The following TMTC1 variants were observed in gnomAD, a reference collection of about 807,000 sequenced individuals.
TMTC1 encodes the protein protein O-mannosyl-transferase TMTC1.
Under a neutral mutation model 104.8 loss-of-function variants are expected in TMTC1, and 73 were observed. The ratio of observed to expected loss-of-function variants is 0.70; its 90% confidence interval spans 0.58 to 0.85. The LOEUF (loss-of-function observed/expected upper bound fraction) is 0.85, where lower values mean the gene tolerates loss of function less well. TMTC1 is among the 40% of genes least tolerant of loss of function. The probability of loss-of-function intolerance (pLI) is 0.00; values close to 1 mark genes in which losing one functional copy is unlikely to be tolerated. For missense variants in TMTC1, 1,035 were observed against 1,096.1 expected (o/e 0.94, Z 0.79); for synonymous variants, 434 against 428.7 (o/e 1.01, Z -0.15).
intron 5 of TMTC1, among the ~76,000 whole-genome samples, chr12:29,679,882 CATG>C (rs1940855271): frequency 6.6e-6 from 1 of 151,950 alleles, no homozygotes; most frequent in Non-Finnish European, 1.5e-5. Context: ...AAGAAAAAAA[CATG>C]AAACAAATGA....
At chr12:29,744,530 A>G (rs1942903577) in intron 5 of TMTC1, among the ~76,000 whole-genome samples, 1 of 152,236 alleles carries the variant, frequency 6.6e-6, no homozygotes, top group Non-Finnish European at 1.5e-5. Flanking sequence ...TGTTGAAATG[A>G]TCCACTTTAG....
intron 2 of TMTC1, among the ~76,000 whole-genome samples, chr12:29,766,738 G>A (rs891570567): frequency 7.2e-5 from 11 of 152,052 alleles, no homozygotes; most frequent in African/African-American, 2.7e-4. Flanking sequence ...CAGCTTCAGG[G>A]AAGCGTCCAA....
intron 7 of TMTC1, among the ~76,000 whole-genome samples, chr12:29,603,044 C>G (rs1470628572): frequency 6.6e-6 from 1 of 152,180 alleles, no homozygotes; most frequent in African/African-American, 2.4e-5. Context: ...CTTCACAAGA[C>G]TCTTACCTTA....
chr12:29,731,128 A>G (rs1692943605), intron 5 of TMTC1, among the ~76,000 whole-genome samples: 2 of 152,356 alleles, frequency 1.3e-5, no homozygotes, highest in South Asian at 4.1e-4. Flanking sequence ...TTAATTCAGC[A>G]AATAAATGGG....
rs546285370 is a variant in TMTC1 at position 29,554,612 on chromosome 12, T to C, written c.1676+2245A>G. Among the ~76,000 whole-genome samples, 329 of 152,330 alleles carry C rather than the reference T, an allele frequency of 2.2e-3. 1 individual carries two copies. The highest frequency in any genetic ancestry group is 5.9e-3 in the African/African-American group (244 of 41,584). ...GGCCAGACACAGTGTCTCATGCCTA[T>C]AATCCCGGTACTTTGGGAGGCTGAG... On this transcript the variant is annotated intron_variant, in intron 10 of 17. Coordinates refer to ENST00000539277, the MANE Select transcript of TMTC1 (RefSeq NM_001193451.2).
intron 5 of TMTC1, among the ~76,000 whole-genome samples, chr12:29,667,382 A>G (rs1245103095): frequency 1.3e-5 from 2 of 152,224 alleles, no homozygotes. Flanking sequence ...TTCTAAGGCT[A>G]TGATAAATTT....
chr12:29,541,234 G>A (rs925398143), intron 10 of TMTC1, among the ~76,000 whole-genome samples: 1 of 152,070 alleles, frequency 6.6e-6, no homozygotes, highest in African/African-American at 2.4e-5. Context: ...CACAGGCACC[G>A]CATCCACGTT....
intron 9 of TMTC1, among the ~76,000 whole-genome samples, chr12:29,566,884 G>T (rs1018446697): frequency 2.0e-5 from 3 of 152,178 alleles, no homozygotes; most frequent in African/African-American, 7.2e-5. Flanking sequence ...CACAGCTGGT[G>T]TAAAGTTCCC....
At chr12:29,643,578 TGTC>T (rs1938995474) in intron 5 of TMTC1, among the ~76,000 whole-genome samples, 1 of 83,478 alleles carries the variant, frequency 1.2e-5, no homozygotes, top group Non-Finnish European at 2.1e-5. Context: ...ATATAATATA[TGTC>T]ATATATAAAT....
At chr12:29,635,306 C>T (rs749118823) in intron 5 of TMTC1, among the ~76,000 whole-genome samples, 1 of 152,136 alleles carries the variant, frequency 6.6e-6, no homozygotes, top group Non-Finnish European at 1.5e-5. Context: ...TTTTCACAGA[C>T]CTTTCAGGCT....
intron 7 of TMTC1, among the ~76,000 whole-genome samples, chr12:29,596,938 C>T (rs944350914): frequency 1.3e-5 from 2 of 152,180 alleles, no homozygotes; most frequent in African/African-American, 2.4e-5. Flanking sequence ...CACCACTCAC[C>T]CTCTGGGACA....
At chr12:29,762,985 A>C (rs1387092112) in intron 2 of TMTC1, among the ~76,000 whole-genome samples, 1 of 152,244 alleles carries the variant, frequency 6.6e-6, no homozygotes, top group Non-Finnish European at 1.5e-5. Context: ...TCTTGAGATA[A>C]GCCTAAGCAT....
chr12:29,653,670 A>C (rs1177389939), intron 5 of TMTC1, among the ~76,000 whole-genome samples: 1 of 152,246 alleles, frequency 6.6e-6, no homozygotes, highest in Admixed American at 6.5e-5. Flanking sequence ...GTCAGTCACA[A>C]AGAACTGACT....
rs1026933266 is a variant in TMTC1, at chr12:29,502,327, TCAAAG to T, written c.*4514_*4518del. 5 of 141,176 alleles carry T rather than the reference TCAAAG, an allele frequency of 3.5e-5. No individual in the cohort carries two copies. Among genetic ancestry groups the T allele is most frequent in the African/African-American group, 5.5e-5 (2 of 36,314 alleles). The allele number at this position is 141,176 out of a possible 1,614,324, so 8.7% of individuals were successfully genotyped here. A position where few individuals can be genotyped will look rare whatever the true frequency, so the allele number is the denominator to read the frequency against. Reference sequence around the variant, plus strand: ...TTTAAGAAGGTGAATCCACCACAAATCAAAGCAAAAGTTTTTTTTTTTTTCAAAAA... The same window carrying T: ...TTTAAGAAGGTGAATCCACCACAAATCAAAAGTTTTTTTTTTTTTCAAAAA... On this transcript the variant is annotated 3_prime_UTR_variant, in exon 18 of 18. Coordinates refer to ENST00000539277, the MANE Select transcript of TMTC1 (RefSeq NM_001193451.2).
chr12:29,535,206 A>C (rs1944610162), intron 11 of TMTC1: 1 of 152,234 alleles, frequency 6.6e-6, no homozygotes, highest in South Asian at 2.1e-4. Context: ...ACACAAGCCA[A>C]GGGCAGCTGA....
At chr12:29,626,811 A>G (rs1056342886) in intron 6 of TMTC1, among the ~76,000 whole-genome samples, 13 of 152,190 alleles carry the variant, frequency 8.5e-5, no homozygotes, top group African/African-American at 3.1e-4. Flanking sequence ...CAAAAATTAA[A>G]AACTTTTGGT....
intron 10 of TMTC1, among the ~76,000 whole-genome samples, chr12:29,549,000 AATTATAT>A (rs1385441459): frequency 2.9e-4 from 42 of 145,236 alleles, no homozygotes; most frequent in Admixed American, 6.3e-4. Flanking sequence ...TAAATATATA[AATTATAT>A]ATTATATATT....
chr12:29,573,567 G>A (rs887100479), intron 8 of TMTC1, among the ~76,000 whole-genome samples: 2 of 152,168 alleles, frequency 1.3e-5, no homozygotes, highest in Non-Finnish European at 2.9e-5. Context: ...GGGTATCAAG[G>A]AAGCACAGCA....
At chr12:29,748,513 A>T (rs916191167) in intron 5 of TMTC1, among the ~76,000 whole-genome samples, 4 of 152,248 alleles carry the variant, frequency 2.6e-5, no homozygotes, top group African/African-American at 9.6e-5. Context: ...TTAGGAGTCA[A>T]ACAGTCTGGG....
Sources: gnomAD v4.1 joint callset for allele counts (sites outside exome capture counted in the v4.1 genomes callset) on GRCh38, gnomAD v4.1.1 for gene constraint, MANE v1.5 for transcripts, NCBI Gene and HGNC (gene_info 2026-07-23, HGNC 2026-07-21) for gene names.